AGO2: variants seen among roughly 807,000 people sequenced by gnomAD.
AGO2 encodes the protein protein argonaute-2.
Under a neutral mutation model 102.3 loss-of-function variants are expected in AGO2, and 5 were observed. The observed-to-expected ratio is 0.05, with a 90% CI of 0.03 to 0.10. AGO2 has a LOEUF of 0.10. Ranked by LOEUF, AGO2 falls within the 10% of genes least tolerant of loss-of-function variation. The probability of loss-of-function intolerance (pLI) is 1.00; values close to 1 mark genes in which losing one functional copy is unlikely to be tolerated. For missense variants in AGO2, 541 were observed against 1,183.7 expected (o/e 0.46, Z 7.97); for synonymous variants, 449 against 473.1 (o/e 0.95, Z 0.66).
At chr8:140,591,749 T>C (rs1444390591) in intron 1 of AGO2, 5 of 152,220 alleles carry the variant, frequency 3.3e-5, no homozygotes, top group Non-Finnish European at 5.9e-5. Context: ...TCCCCATAAA[T>C]TATGAATACA....
At chr8:140,615,406 C>T (rs2074129036) in intron 1 of AGO2, among the ~76,000 whole-genome samples, 1 of 152,268 alleles carries the variant, frequency 6.6e-6, no homozygotes, top group African/African-American at 2.4e-5. Context: ...TGCTCTAGGC[C>T]CCGGGCCCCC....
Position 140,635,514 on chromosome 8 carries a change from C to T in AGO2, c.-8G>A. ...GCCGGCTCCCGAGTACATGGTGGCG[C>T]CGCCGAGGGGCTCCGGGGCCGAGGG... On this transcript the variant is annotated 5_prime_UTR_variant, in exon 1 of 19. Transcript: ENST00000220592. The T allele has an allele frequency of 2.0e-6, 2 of 980,354 alleles. No individual in the cohort carries two copies. The highest frequency in any genetic ancestry group is 2.4e-6 in the Non-Finnish European group (2 of 827,892). The allele number at this position is 980,354 out of a possible 1,614,324, so 60.7% of individuals were successfully genotyped here.
chr8:140,632,219 C>T (rs915029920), intron 1 of AGO2, among the ~76,000 whole-genome samples: 2 of 152,328 alleles, frequency 1.3e-5, no homozygotes, highest in East Asian at 1.9e-4. Context: ...TTTTCCTATG[C>T]ACTTACTTAA....
intron 11 of AGO2, among the ~76,000 whole-genome samples, chr8:140,550,136 C>A (rs186103228): frequency 1.3e-3 from 192 of 152,332 alleles, no homozygotes; most frequent in Admixed American, 2.6e-3. Context: ...CAAACCCCCT[C>A]TCTAGGCTTC....
intron 1 of AGO2, among the ~76,000 whole-genome samples, chr8:140,613,630 A>G (rs2074107309): frequency 6.6e-6 from 1 of 152,222 alleles, no homozygotes; most frequent in African/African-American, 2.4e-5. Flanking sequence ...AGGTTTCTTC[A>G]GGAATAACGG....
Position 140,521,457 on chromosome 8 carries a change from T to C in AGO2, c.*10587A>G, listed in dbSNP as rs941963387. ...ATCTCTTTAAAATAGTAAAACTATA[T>C]ACTACAGGAAAGATCCCTAATTTTT... On this transcript the variant is annotated 3_prime_UTR_variant, in exon 19 of 19. Coordinates refer to ENST00000220592, the MANE Select transcript of AGO2 (RefSeq NM_012154.5). 2 of 152,236 alleles carry C rather than the reference T, an allele frequency of 1.3e-5. No individual in the cohort carries two copies. Among genetic ancestry groups the C allele is most frequent in the East Asian group, 1.9e-4 (1 of 5,208 alleles). 9.4% of individuals were successfully genotyped at this position (152,236 alleles called of 1,614,324 possible). A position where few individuals can be genotyped will look rare whatever the true frequency, so the allele number is the denominator to read the frequency against.
At chr8:140,576,057 G>A (rs1317348851) in intron 2 of AGO2, among the ~76,000 whole-genome samples, 2 of 152,122 alleles carry the variant, frequency 1.3e-5, no homozygotes, top group Non-Finnish European at 1.5e-5. Flanking sequence ...GGTGGCTCAC[G>A]CCTATAATCT....
rs2072989336 is a variant in AGO2 at position 140,551,291 on chromosome 8, T to TG, written c.1403+11dup. 2.0e-6 allele frequency: 3 copies of TG among 1,512,064 alleles called. No individual in the cohort carries two copies. The highest frequency in any genetic ancestry group is 1.3e-5 in the South Asian group (1 of 78,718). 93.7% of individuals were successfully genotyped at this position (1,512,064 alleles called of 1,614,324 possible). On this transcript the variant is annotated intron_variant, in intron 11 of 18. Transcript: ENST00000220592. ...ACCCCCAGGCCGGAGCCTCTGCCTG[T>TG]GGGGGGCTTACTTCAGATGGACTTC... is the stretch of plus-strand genomic sequence containing the variant.
At chr8:140,580,548 G>A (rs1370664042) in intron 2 of AGO2, among the ~76,000 whole-genome samples, 1 of 152,156 alleles carries the variant, frequency 6.6e-6, no homozygotes, top group Non-Finnish European at 1.5e-5. Context: ...TTTCCACTCG[G>A]AGCTCCCCTC....
At chr8:140,573,020 T>C (rs1432945884) in intron 2 of AGO2, 88 bp from the exon 3 acceptor site, 6 of 1,497,856 alleles carry the variant, frequency 4.0e-6, no homozygotes, top group Non-Finnish European at 5.4e-6. Context: ...TTTTTTTTTT[T>C]TTTTTTGAGA....
chr8:140,562,738 C>G, intron 3 of AGO2, 104 bp from the exon 4 acceptor site: 1 of 1,357,426 alleles, frequency 7.4e-7, no homozygotes, highest in East Asian at 2.3e-5. Flanking sequence ...TGAGGAAGTC[C>G]CCGCCCAGGC....
upstream of AGO2, chr8:140,636,452 C>T (rs958082081): frequency 6.6e-6 from 1 of 152,232 alleles, no homozygotes; most frequent in African/African-American, 2.4e-5. Context: ...TGGCTACCTC[C>T]TTTCTCCCCT....
chr8:140,623,611 G>A (rs991364317), intron 1 of AGO2, among the ~76,000 whole-genome samples: 2 of 152,160 alleles, frequency 1.3e-5, no homozygotes, highest in East Asian at 1.9e-4. Flanking sequence ...GTCTTGCTGC[G>A]TGCCCCCTGA....
At chr8:140,566,806 C>T (rs1466159855) in intron 3 of AGO2, among the ~76,000 whole-genome samples, 7 of 152,160 alleles carry the variant, frequency 4.6e-5, no homozygotes, top group Non-Finnish European at 4.4e-5. Flanking sequence ...GGGGACAATT[C>T]CAGTACGGAC....
At chr8:140,597,626 A>C (rs1345949389) in intron 1 of AGO2, among the ~76,000 whole-genome samples, 1 of 150,802 alleles carries the variant, frequency 6.6e-6, no homozygotes, top group African/African-American at 2.4e-5. Context: ...CTTCAGCCTC[A>C]CTCCTGTCAG....
At chr8:140,551,768 C>T (rs1240407561) in intron 10 of AGO2, among the ~76,000 whole-genome samples, 6 of 106,754 alleles carry the variant, frequency 5.6e-5, no homozygotes, top group African/African-American at 1.5e-4. Flanking sequence ...CGTTGATGAT[C>T]GGTGGATAAG....
chr8:140,623,833 G>A (rs1178770891), intron 1 of AGO2, among the ~76,000 whole-genome samples: 1 of 152,154 alleles, frequency 6.6e-6, no homozygotes, highest in Non-Finnish European at 1.5e-5. Flanking sequence ...GATGGCTGCA[G>A]AACTTTTCAA....
intron 11 of AGO2, among the ~76,000 whole-genome samples, chr8:140,549,871 G>A (rs934694581): frequency 2.6e-5 from 4 of 152,222 alleles, no homozygotes; most frequent in Non-Finnish European, 4.4e-5. Flanking sequence ...AAGCTGGGGC[G>A]GGGTGGGAGG....
intron 2 of AGO2, among the ~76,000 whole-genome samples, chr8:140,574,490 C>T (rs2073435552): frequency 6.6e-6 from 1 of 152,088 alleles, no homozygotes; most frequent in African/African-American, 2.4e-5. Context: ...TCTCGAACTC[C>T]TGGGCTCAGG....
Sources: gnomAD v4.1 joint callset for allele counts (sites outside exome capture counted in the v4.1 genomes callset) on GRCh38, gnomAD v4.1.1 for gene constraint, MANE v1.5 for transcripts, NCBI Gene and HGNC (gene_info 2026-07-23, HGNC 2026-07-21) for gene names.